SLC30A6: variants seen among roughly 807,000 people sequenced by gnomAD.
SLC30A6 encodes the protein zinc transporter 6.
A neutral mutation model predicts 63.0 loss-of-function variants in SLC30A6; 55 were observed. The observed-to-expected ratio is 0.87, with a 90% CI of 0.70 to 1.09. The LOEUF (loss-of-function observed/expected upper bound fraction) is 1.09, where lower values mean the gene tolerates loss of function less well. SLC30A6 is among the 50% of genes least tolerant of loss of function. The pLI is 0.00. For synonymous variants in SLC30A6, 224 were observed against 186.1 expected (o/e 1.20, Z -1.66); for missense variants, 587 against 549.2 (o/e 1.07, Z -0.69).
intron 3 of SLC30A6, 67 bp from the exon 4 acceptor site, chr2:32,175,252 T>G (rs969941031): frequency 3.5e-5 from 52 of 1,468,800 alleles, no homozygotes; most frequent in Non-Finnish European, 4.5e-5. Flanking sequence ...GAAATAATTT[T>G]GGTAACTTGC....
intron 5 of SLC30A6, among the ~76,000 whole-genome samples, chr2:32,186,606 C>G (rs1286671879): frequency 2.0e-5 from 3 of 151,992 alleles, no homozygotes; most frequent in African/African-American, 7.2e-5. Flanking sequence ...GCAGGAGAAT[C>G]ACTTGAACCT....
At chr2:32,196,595 T>G (rs1481611745) in intron 8 of SLC30A6, among the ~76,000 whole-genome samples, 3 of 152,182 alleles carry the variant, frequency 2.0e-5, no homozygotes, top group African/African-American at 7.2e-5. Context: ...ATTATATGTA[T>G]GGGTTGAGCA....
chr2:32,185,863 G>A (rs1395251223), intron 5 of SLC30A6, among the ~76,000 whole-genome samples: 2 of 151,410 alleles, frequency 1.3e-5, no homozygotes, highest in African/African-American at 4.9e-5. Context: ...GGGATTACAG[G>A]TGTGTGCCAC....
chr2:32,205,681 T>G (rs1684700462), intron 11 of SLC30A6, among the ~76,000 whole-genome samples: 1 of 147,850 alleles, frequency 6.8e-6, no homozygotes, highest in Non-Finnish European at 1.5e-5. Flanking sequence ...TTTTTTTTTT[T>G]TTTGAGACAG....
rs1686126648 is a variant in SLC30A6 at position 32,221,243 on chromosome 2, T to G, written c.*530T>G. On this transcript the variant is annotated 3_prime_UTR_variant, in exon 14 of 14. Coordinates refer to ENST00000282587, the MANE Select transcript of SLC30A6 (RefSeq NM_017964.5). The stretch of plus-strand genomic sequence containing the variant: ...GGCATGATCTCAGCTCACTGCAACC[T>G]CTGCCTCCTGAGTTCAAATGATTCT... 6.3e-6 allele frequency: 1 copy of G among 159,396 alleles called. No homozygotes were observed. Among genetic ancestry groups the G allele is most frequent in the Non-Finnish European group, 1.4e-5 (1 of 73,016 alleles). The allele number at this position is 159,396 out of a possible 1,614,324, so 9.9% of individuals were successfully genotyped here.
intron 4 of SLC30A6, among the ~76,000 whole-genome samples, chr2:32,178,207 A>G (rs927625481): frequency 2.0e-5 from 3 of 151,964 alleles, no homozygotes; most frequent in African/African-American, 7.2e-5. Context: ...TCGGCTTCCC[A>G]AAGTGCTGGG....
intron 4 of SLC30A6, among the ~76,000 whole-genome samples, chr2:32,176,079 T>G (rs921518206): frequency 9.2e-5 from 14 of 152,056 alleles, no homozygotes; most frequent in African/African-American, 2.7e-4. Flanking sequence ...AATTCATACC[T>G]CAGAGGGCTA....
At chr2:32,203,339 G>GT in intron 10 of SLC30A6, 1 of 916,902 alleles carries the variant, frequency 1.1e-6, no homozygotes, top group Non-Finnish European at 1.8e-6. Flanking sequence ...TTTTAAATGT[G>GT]TAGGTATTCC....
intron 5 of SLC30A6, chr2:32,187,248 T>C (rs546993608): frequency 6.4e-6 from 3 of 470,964 alleles, no homozygotes; most frequent in Admixed American, 4.7e-5. Flanking sequence ...TCACACCTTC[T>C]CACCTTCATC....
intron 12 of SLC30A6, among the ~76,000 whole-genome samples, chr2:32,207,791 C>T (rs1354876589): frequency 6.8e-6 from 1 of 147,562 alleles, no homozygotes. Context: ...ACCTCCGCCT[C>T]CTGAGTTCAA....
chr2:32,182,131 C>T (rs964261305), intron 4 of SLC30A6, among the ~76,000 whole-genome samples: 2 of 151,498 alleles, frequency 1.3e-5, no homozygotes, highest in Non-Finnish European at 2.9e-5. Context: ...GATGGGGTCT[C>T]GACATGTTGC....
intron 5 of SLC30A6, among the ~76,000 whole-genome samples, chr2:32,188,600 A>G (rs1683042868): frequency 6.6e-6 from 1 of 152,180 alleles, no homozygotes. Context: ...AGATCGAGGC[A>G]GGAGAATCAC....
intron 8 of SLC30A6, 58 bp downstream of exon 8, chr2:32,194,041 C>G (rs993434044): frequency 1.7e-5 from 24 of 1,417,042 alleles, no homozygotes; most frequent in African/African-American, 2.9e-5. Context: ...TAAAAACAAG[C>G]CTTTTGTTTG....
intron 10 of SLC30A6, among the ~76,000 whole-genome samples, chr2:32,199,699 A>G (rs1193345149): frequency 2.0e-5 from 3 of 151,782 alleles, no homozygotes; most frequent in African/African-American, 7.3e-5. Context: ...TCCCCCCAAT[A>G]TTTTAGTTTT....
At chr2:32,213,640 A>G (rs1573421495) in intron 13 of SLC30A6, among the ~76,000 whole-genome samples, 1 of 152,122 alleles carries the variant, frequency 6.6e-6, no homozygotes, top group Non-Finnish European at 1.5e-5. Context: ...CATTTCAAAC[A>G]CTGCCACCAC....
At chr2:32,183,919 T>G (rs889996853) in intron 4 of SLC30A6, among the ~76,000 whole-genome samples, 1 of 152,182 alleles carries the variant, frequency 6.6e-6, no homozygotes, top group African/African-American at 2.4e-5. Context: ...TTAAAATTGA[T>G]CATATGTGTC....
At chr2:32,201,948 T>G in intron 10 of SLC30A6, 1 of 1,466,114 alleles carries the variant, frequency 6.8e-7, no homozygotes, top group Non-Finnish European at 9.4e-7. Context: ...AAGGATTTAA[T>G]AGACTTTCAG....
chr2:32,218,771 G>A (rs1685920898), intron 13 of SLC30A6, among the ~76,000 whole-genome samples: 1 of 152,112 alleles, frequency 6.6e-6, no homozygotes, highest in Non-Finnish European at 1.5e-5. Flanking sequence ...TGGCCAGGCT[G>A]GTCTCAAACT....
At chr2:32,209,060 C>G (rs1296713185) in intron 12 of SLC30A6, among the ~76,000 whole-genome samples, 1 of 152,062 alleles carries the variant, frequency 6.6e-6, no homozygotes, top group Non-Finnish European at 1.5e-5. Context: ...AGACTCACAT[C>G]CAAACAACAT....
Sources: gnomAD v4.1 joint callset for allele counts (sites outside exome capture counted in the v4.1 genomes callset) on GRCh38, gnomAD v4.1.1 for gene constraint, MANE v1.5 for transcripts, NCBI Gene and HGNC (gene_info 2026-07-23, HGNC 2026-07-21) for gene names.